PDZD2: variants seen among roughly 807,000 people sequenced by gnomAD.
PDZD2 encodes the protein PDZ domain-containing protein 2.
PDZD2 carries 90 observed loss-of-function variants against 220.7 expected under a neutral mutation model. That is an observed-to-expected ratio of 0.41 (90% CI 0.34 to 0.49). PDZD2 has a LOEUF of 0.49. Ranked by LOEUF, PDZD2 falls within the 20% of genes least tolerant of loss-of-function variation. The pLI is 0.28. For synonymous variants in PDZD2, 1,375 were observed against 1,450.5 expected, an observed-to-expected ratio of 0.95 and a Z score of 1.18; for missense variants, 3,174 against 3,608.5, an observed-to-expected ratio of 0.88 and a Z score of 3.08.
At chr5:31,695,322 ATCAAAG>A (rs1308695936) in intron 1 of PDZD2, among the ~76,000 whole-genome samples, 1 of 152,198 alleles carries the variant, frequency 6.6e-6, no homozygotes, top group Non-Finnish European at 1.5e-5. Flanking sequence ...AACCTCAGTC[ATCAAAG>A]TCAATGATAT....
intron 1 of PDZD2, among the ~76,000 whole-genome samples, chr5:31,664,349 C>G (rs1745896302): frequency 6.6e-6 from 1 of 152,026 alleles, no homozygotes; most frequent in Non-Finnish European, 1.5e-5. Flanking sequence ...AATCATTTCT[C>G]TCTCACAAAC....
At chr5:31,771,570 G>C (rs1279533998) in intron 1 of PDZD2, among the ~76,000 whole-genome samples, 1 of 152,194 alleles carries the variant, frequency 6.6e-6, no homozygotes, top group Non-Finnish European at 1.5e-5. Context: ...CAGGGTCCAG[G>C]AACAGGAGGT....
chr5:31,924,264 C>G (rs930477839), intron 2 of PDZD2, among the ~76,000 whole-genome samples: 9 of 152,168 alleles, frequency 5.9e-5, no homozygotes, highest in African/African-American at 2.2e-4. Flanking sequence ...AATGCCTGTT[C>G]CGCAAGCCTG....
chr5:32,097,823 G>A (rs190386419), intron 22 of PDZD2, among the ~76,000 whole-genome samples: 1 of 152,060 alleles, frequency 6.6e-6, no homozygotes, highest in Non-Finnish European at 1.5e-5. Context: ...ATTGCCTCCT[G>A]GATGCCAGGC....
chr5:31,790,534 G>A (rs1461143402), intron 1 of PDZD2, among the ~76,000 whole-genome samples: 1 of 152,106 alleles, frequency 6.6e-6, no homozygotes, highest in Non-Finnish European at 1.5e-5. Context: ...AGAGGGAGAG[G>A]AAGAGTTGCA....
At chr5:31,817,686 CAG>C in intron 2 of PDZD2, among the ~76,000 whole-genome samples, 1 of 152,050 alleles carries the variant, frequency 6.6e-6, no homozygotes, top group African/African-American at 2.4e-5. Flanking sequence ...TTTTTTGAGA[CAG>C]AGTCTCACTG....
chr5:32,053,215 C>T (rs161535), intron 9 of PDZD2, among the ~76,000 whole-genome samples: 118,100 of 152,148 alleles, frequency 0.78, 46,044 homozygotes, highest in African/African-American at 0.83. Context: ...TCAACTTTTA[C>T]CTCCAGTGAA....
intron 2 of PDZD2, among the ~76,000 whole-genome samples, chr5:31,883,316 G>T (rs1022853043): frequency 3.3e-4 from 49 of 148,008 alleles, no homozygotes; most frequent in Admixed American, 3.2e-3. Flanking sequence ...TGCCTACTGG[G>T]TTCAAACGAT....
chr5:32,015,493 C>T (rs1297411678), intron 6 of PDZD2, among the ~76,000 whole-genome samples: 2 of 152,152 alleles, frequency 1.3e-5, no homozygotes, highest in African/African-American at 4.8e-5. Context: ...CTCAAGCGAT[C>T]CTCCCACCTC....
At chr5:31,944,681 G>A (rs1031671546) in intron 2 of PDZD2, among the ~76,000 whole-genome samples, 1 of 152,212 alleles carries the variant, frequency 6.6e-6, no homozygotes, top group Non-Finnish European at 1.5e-5. Context: ...GTGTTAATTA[G>A]GTGGAAGCTC....
At chr5:31,961,742 C>T (rs898948665) in intron 2 of PDZD2, among the ~76,000 whole-genome samples, 2 of 152,158 alleles carry the variant, frequency 1.3e-5, no homozygotes, top group African/African-American at 4.8e-5. Context: ...CCTCCGGTTT[C>T]AAGGGATTCT....
At chr5:31,688,954 G>A (rs1024754320) in intron 1 of PDZD2, among the ~76,000 whole-genome samples, 56 of 152,314 alleles carry the variant, frequency 3.7e-4, no homozygotes, top group African/African-American at 1.2e-3. Flanking sequence ...TATGGAGGCT[G>A]GCCAAGAGCT....
At chr5:31,673,629 T>C (rs756561958) in intron 1 of PDZD2, among the ~76,000 whole-genome samples, 4 of 152,146 alleles carry the variant, frequency 2.6e-5, no homozygotes, top group Non-Finnish European at 5.9e-5. Context: ...TGGGAGGTAA[T>C]TAGGTCTCGA....
At chr5:31,733,831 C>T (rs1749680483) in intron 1 of PDZD2, among the ~76,000 whole-genome samples, 1 of 152,238 alleles carries the variant, frequency 6.6e-6, no homozygotes, top group Non-Finnish European at 1.5e-5. Flanking sequence ...CAGAACACTT[C>T]TGTAACCAGA....
intron 7 of PDZD2, among the ~76,000 whole-genome samples, chr5:32,038,130 C>A (rs1755706062): frequency 6.8e-6 from 1 of 147,956 alleles, no homozygotes; most frequent in African/African-American, 2.5e-5. Context: ...GCGTGAGCCA[C>A]CGTGCCTGGC....
rs768229328 is a variant in PDZD2 at position 32,052,700 on chromosome 5, G to T, written c.1755G>T (p.Ser585=). 1 of 1,614,008 alleles carries T rather than the reference G, an allele frequency of 6.2e-7. No individual in the cohort carries two copies. The highest frequency in any genetic ancestry group is 1.7e-5 in the Admixed American group (1 of 60,016). The change falls in exon 9 of 25, where the codon TCG becomes TCT. Residue 585 remains serine, a synonymous_variant. Coordinates refer to ENST00000438447, the MANE Select transcript of PDZD2 (RefSeq NM_178140.4). ...PWRLIRPSVI[S]IIGLYKEKGK... ...GGCTCATTCGGCCATCCGTCATCTC[G>T]ATCATTGGGTTGTACAAAGAAAAAG...
intron 2 of PDZD2, among the ~76,000 whole-genome samples, chr5:31,841,188 A>G (rs1014714739): frequency 2.6e-4 from 37 of 142,702 alleles, no homozygotes; most frequent in African/African-American, 9.5e-4. Context: ...TTTGTCCTGA[A>G]CTTTCTCTGT....
At chr5:31,654,323 C>G (rs1263227294) in intron 1 of PDZD2, among the ~76,000 whole-genome samples, 1 of 152,120 alleles carries the variant, frequency 6.6e-6, no homozygotes, top group East Asian at 1.9e-4. Context: ...GGTGTTCCTC[C>G]TGGTGCCGCA....
At chr5:31,976,715 T>TTG (rs1561241454) in intron 2 of PDZD2, among the ~76,000 whole-genome samples, 1 of 778 alleles carries the variant, frequency 1.3e-3, no homozygotes, top group Non-Finnish European at 4.4e-3. Flanking sequence ...TTCTTCTTTC[T>TTG]TTTTTTTTTT....
Sources: gnomAD v4.1 joint callset for allele counts (sites outside exome capture counted in the v4.1 genomes callset) on GRCh38, gnomAD v4.1.1 for gene constraint, MANE v1.5 for transcripts, NCBI Gene and HGNC (gene_info 2026-07-23, HGNC 2026-07-21) for gene names.